CDKN3: variants seen among roughly 807,000 people sequenced by gnomAD.
CDKN3 encodes the protein cyclin-dependent kinase inhibitor 3.
In CDKN3, 19 loss-of-function variants were observed where a neutral mutation model predicts 36.1. The observed-to-expected ratio is 0.53, with a 90% CI of 0.37 to 0.77. The LOEUF (loss-of-function observed/expected upper bound fraction) is 0.77. CDKN3 is among the 30% of genes least tolerant of loss of function. The pLI, the probability that CDKN3 is intolerant of heterozygous loss-of-function variation, is 0.00. For synonymous variants in CDKN3, 71 were observed against 85.3 expected (o/e 0.83, Z 0.92); for missense variants, 188 against 248.6 (o/e 0.76, Z 1.64).
intron 3 of CDKN3, among the ~76,000 whole-genome samples, chr14:54,405,772 A>G (rs951499704): frequency 5.9e-5 from 9 of 152,280 alleles, no homozygotes; most frequent in Middle Eastern, 3.4e-3. Context: ...CAGCACACCA[A>G]TGGGTCTTGA....
At chr14:54,407,484 G>C (rs2030201238) in intron 3 of CDKN3, among the ~76,000 whole-genome samples, 1 of 152,302 alleles carries the variant, frequency 6.6e-6, no homozygotes, top group East Asian at 1.9e-4. Flanking sequence ...TAGGGAGAAG[G>C]GAGTTTATCT....
At chr14:54,399,604 C>T (rs1566702978) in intron 1 of CDKN3, among the ~76,000 whole-genome samples, 1 of 152,162 alleles carries the variant, frequency 6.6e-6, no homozygotes, top group African/African-American at 2.4e-5. Context: ...AGATCCAGAA[C>T]CAACTGAAGT....
At position 54,397,049 on chromosome 14, in the gene CDKN3, T is replaced by C; in HGVS notation, c.-20T>C. The C allele has an allele frequency of 2.0e-6, 3 of 1,497,490 alleles. No individual in the cohort carries two copies. Among genetic ancestry groups the C allele is most frequent in the South Asian group, 1.3e-5 (1 of 78,558 alleles). 92.8% of individuals were successfully genotyped at this position (1,497,490 alleles called of 1,614,324 possible). On this transcript the variant is annotated 5_prime_UTR_variant, in exon 1 of 8. Transcript: ENST00000335183. ...GCTGCAGAGGGAGGCGGCACTGGTC[T>C]CGACGTGGGGCGGCCAGCGATGAAG...
intron 5 of CDKN3, chr14:54,413,630 A>G (rs2030434392): frequency 6.5e-7 from 1 of 1,535,180 alleles, no homozygotes; most frequent in African/African-American, 1.4e-5. Flanking sequence ...TCCTACGGTG[A>G]CTAGTTTATT....
intron 5 of CDKN3, chr14:54,413,575 A>C: frequency 2.1e-6 from 3 of 1,439,044 alleles, no homozygotes. Flanking sequence ...AAAATAAAGC[A>C]TCTGACAACT....
chr14:54,408,262 C>T (rs1241759354), intron 3 of CDKN3, among the ~76,000 whole-genome samples: 5 of 152,166 alleles, frequency 3.3e-5, no homozygotes, highest in Admixed American at 6.5e-5. Context: ...TCACCACATC[C>T]GTGCCAACAA....
chr14:54,411,322 C>T (rs2030345113), intron 4 of CDKN3, 162 bp from the exon 5 acceptor site: 3 of 584,942 alleles, frequency 5.1e-6, no homozygotes, highest in African/African-American at 1.9e-5. Context: ...AATTCTAGAC[C>T]CCTTTTGATT....
chr14:54,413,550 G>A lies in CDKN3; in HGVS notation c.416+1844G>A, dbSNP rs375654572. On this transcript the variant is annotated intron_variant, in intron 5 of 7. Transcript: ENST00000335183. ...ATGGGTGACTTTGCATATGCTGAAT[G>A]TTTCAGTCTCCCATAAAATAAAGCA... 139 of 1,234,892 alleles carry A rather than the reference G, an allele frequency of 1.1e-4. No individual in the cohort carries two copies. The African/African-American group carries it at 1.4e-3, about 13-fold the overall frequency. 76.5% of individuals were successfully genotyped at this position (1,234,892 alleles called of 1,614,324 possible).
intron 3 of CDKN3, 41 bp from the exon 4 acceptor site, chr14:54,408,704 C>T (rs761349629): frequency 2.7e-5 from 42 of 1,552,062 alleles, no homozygotes; most frequent in Middle Eastern, 1.7e-4. Context: ...TTACATATGA[C>T]GAAAAACTGA....
At position 54,408,616 on chromosome 14, in the gene CDKN3, C is replaced by T. The variant is rs760109784; in HGVS notation, c.149-129C>T. The T allele has an allele frequency of 3.9e-6, 4 of 1,014,402 alleles. No homozygotes were observed. In the South Asian group the frequency reaches 7.0e-5, roughly 18 times the overall value. The allele number at this position is 1,014,402 out of a possible 1,614,324, so 62.8% of individuals were successfully genotyped here. A position where few individuals can be genotyped will look rare whatever the true frequency, so the allele number is the denominator to read the frequency against. Reference sequence around the variant, plus strand: ...AATATAAGAAATTGAAATTCATATTCAAAATATAATTGAAACATATAAATG... The same window carrying T: ...AATATAAGAAATTGAAATTCATATTTAAAATATAATTGAAACATATAAATG... On this transcript the variant is annotated intron_variant, in intron 3 of 7. Coordinates refer to ENST00000335183, the MANE Select transcript of CDKN3 (RefSeq NM_005192.4).
chr14:54,409,370 T>G (rs1056373174), intron 4 of CDKN3, among the ~76,000 whole-genome samples: 1 of 152,174 alleles, frequency 6.6e-6, no homozygotes, highest in Non-Finnish European at 1.5e-5. Flanking sequence ...TTCAAAAGAT[T>G]TTATTCTGAT....
intron 3 of CDKN3, 139 bp downstream of exon 3, chr14:54,401,718 C>T: frequency 1.7e-6 from 1 of 595,660 alleles, no homozygotes; most frequent in Non-Finnish European, 2.9e-6. Context: ...AATTTTGGTG[C>T]ACCCATCACC....
At chr14:54,417,992 C>A (rs1165856020) in intron 7 of CDKN3, 41 bp downstream of exon 7, 1 of 1,147,376 alleles carries the variant, frequency 8.7e-7, no homozygotes. Context: ...TGGTTGGGGT[C>A]GTTGTTACAA....
chr14:54,418,323 A>G (rs2030617387), intron 7 of CDKN3: 1 of 689,398 alleles, frequency 1.5e-6, no homozygotes, highest in Non-Finnish European at 2.6e-6. Flanking sequence ...TCTTGGGTAG[A>G]TTCTTGGCCA....
rs141678395 is a variant in CDKN3, at chr14:54,409,216, A to G, written c.193+427A>G. Among the ~76,000 whole-genome samples the G allele has an allele frequency of 4.0e-3, 608 of 152,192 alleles. 5 individuals are homozygous for G. The highest frequency in any genetic ancestry group is 0.014 in the African/African-American group (587 of 41,474). On this transcript the variant is annotated intron_variant, in intron 4 of 7. Coordinates refer to ENST00000335183, the MANE Select transcript of CDKN3 (RefSeq NM_005192.4). ...TCCTGGATGGAAAATTTTGAGAGCCAGCATCTAGATGGAAAAGACAGAATG... is the reference window on the plus strand; with the variant it reads ...TCCTGGATGGAAAATTTTGAGAGCCGGCATCTAGATGGAAAAGACAGAATG...
chr14:54,408,788 A>T lies in CDKN3; in HGVS notation c.192A>T (p.Thr64=). 6.3e-7 allele frequency: 1 copy of T among 1,576,952 alleles called. No homozygotes were observed. The highest frequency in any genetic ancestry group is 1.2e-5 in the South Asian group (1 of 81,862). Residue 64 remains threonine, a splice_region_variant and synonymous_variant, in exon 4 of 8, where the codon ACA becomes ACT. Transcript: ENST00000335183. ...TTAGAAGAAATGTCCAAAAAGATAC[A>T]GGTAGGTATAATATCACGCAACCAC... ...KDVRRNVQKD[T]EELKSCGIQD...
At chr14:54,415,749 T>C (rs2030515561) in intron 5 of CDKN3, 150 bp from the exon 6 acceptor site, 1 of 689,460 alleles carries the variant, frequency 1.5e-6, no homozygotes, top group Non-Finnish European at 2.6e-6. Context: ...TGCTCTCAGT[T>C]GATTAAATCA....
At chr14:54,411,941 GA>G in intron 5 of CDKN3, 1 of 574,362 alleles carries the variant, frequency 1.7e-6, no homozygotes, top group Non-Finnish European at 3.1e-6. Context: ...GAAATTGTTA[GA>G]ACAAGGTTAC....
intron 3 of CDKN3, among the ~76,000 whole-genome samples, chr14:54,401,931 C>T (rs758778889): frequency 3.3e-5 from 5 of 152,010 alleles, no homozygotes; most frequent in Non-Finnish European, 7.4e-5. Flanking sequence ...CTCCAGTGAC[C>T]GGGTGCAGTC....
Sources: allele counts gnomAD v4.1 joint callset (sites outside exome capture counted in the v4.1 genomes callset), GRCh38; gene constraint gnomAD v4.1.1; transcripts MANE v1.5; gene names NCBI Gene and HGNC (gene_info 2026-07-23, HGNC 2026-07-21).